Variants in ALG12 observed in about 807,000 individuals in gnomAD.
ALG12 encodes the protein dol-P-Man:Man(7)GlcNAc(2)-PP-Dol alpha-1,6-mannosyltransferase.
Under a neutral mutation model 46.0 loss-of-function variants are expected in ALG12, and 36 were observed. The ratio of observed to expected loss-of-function variants is 0.78; its 90% confidence interval spans 0.60 to 1.03. ALG12 has a LOEUF of 1.03. Ranked by LOEUF, ALG12 falls within the 50% of genes least tolerant of loss-of-function variation. The pLI is 0.00. For missense variants in ALG12, 599 were observed against 633.5 expected, an observed-to-expected ratio of 0.95 and a Z score of 0.58; for synonymous variants, 326 against 291.6, an observed-to-expected ratio of 1.12 and a Z score of -1.20.
chr22:49,878,460 C>T, the ALG12 span, among the ~76,000 whole-genome samples: 7 of 152,206 alleles, frequency 4.6e-5, no homozygotes, highest in African/African-American at 7.2e-5. Flanking sequence ...CACACATATG[C>T]GAGCAACCAA....
At chr22:49,890,621 G>A in the ALG12 span, among the ~76,000 whole-genome samples, 7 of 152,206 alleles carry the variant, frequency 4.6e-5, no homozygotes, top group Admixed American at 1.3e-4. Flanking sequence ...TGAGAAGAAT[G>A]AGCCAGGAGC....
chr22:49,902,270 T>TGTGCACTGTATGCATAGTGTGCAC lies in ALG12; in HGVS notation c.*1567_*1568insGTGCACACTATGCATACAGTGCAC, dbSNP rs2060514622. 3 of 107,740 alleles carry TGTGCACTGTATGCATAGTGTGCAC rather than the reference T, an allele frequency of 2.8e-5. No homozygotes were observed. Among genetic ancestry groups the TGTGCACTGTATGCATAGTGTGCAC allele is most frequent in the South Asian group, 3.3e-4 (1 of 3,008 alleles). 6.7% of individuals were successfully genotyped at this position (107,740 alleles called of 1,614,324 possible). On this transcript the variant is annotated 3_prime_UTR_variant, in exon 10 of 10. Coordinates refer to ENST00000330817, the MANE Select transcript of ALG12 (RefSeq NM_024105.4). ...GCACTGTGTATGCATGGTGTGTGCATGTGTGCACTGTATGCATAGTGTGCA... is the reference window on the plus strand; with the variant it reads ...GCACTGTGTATGCATGGTGTGTGCATGTGCACTGTATGCATAGTGTGCACGTGTGCACTGTATGCATAGTGTGCA...
downstream of ALG12, among the ~76,000 whole-genome samples, chr22:49,897,071 A>G (rs762815420): frequency 1.3e-5 from 2 of 152,122 alleles, no homozygotes; most frequent in Non-Finnish European, 2.9e-5. Context: ...CTTTTCTAAA[A>G]TATCAAATAG....
chr22:49,895,027 G>A, the ALG12 span, among the ~76,000 whole-genome samples: 17 of 152,238 alleles, frequency 1.1e-4, no homozygotes, highest in Non-Finnish European at 2.5e-4. Context: ...GAGCATTGCC[G>A]CTGGGGGCAG....
chr22:49,885,153 G>A, the ALG12 span: 1 of 1,613,620 alleles, frequency 6.2e-7, no homozygotes, highest in South Asian at 1.1e-5. Flanking sequence ...CCAGCTGCCT[G>A]ATGAGACATC....
the ALG12 span, among the ~76,000 whole-genome samples, chr22:49,879,291 A>G: frequency 6.7e-6 from 1 of 149,910 alleles, no homozygotes; most frequent in Non-Finnish European, 1.5e-5. Context: ...CGCCGCGCTA[A>G]TTTTTTTGTA....
the ALG12 span, chr22:49,885,805 A>T: frequency 6.9e-6 from 11 of 1,597,192 alleles, no homozygotes; most frequent in Non-Finnish European, 9.4e-6. Context: ...TGTGAAGCAG[A>T]TAATTATGTC....
In ALG12 at chr22:49,905,456, TG is replaced by T. The variant is rs959816656; in HGVS notation, c.993-951del. On this transcript the variant is annotated intron_variant, in intron 7 of 9. Coordinates refer to ENST00000330817, the MANE Select transcript of ALG12 (RefSeq NM_024105.4). The surrounding 1 kb of genome is among the most constrained non-coding windows in gnomAD (Gnocchi z 4.9). ...GAGGTGGGGCCTGGTGGGAGGTGAC[TG>T]GGTCATGGAGGTGGAGCCCTCAGGA... Among the ~76,000 whole-genome samples the T allele has an allele frequency of 5.9e-5, 9 of 152,120 alleles. No homozygotes were observed. Among genetic ancestry groups the T allele is most frequent in the African/African-American group, 2.2e-4 (9 of 41,424 alleles).
intron 1 of ALG12, among the ~76,000 whole-genome samples, chr22:49,914,225 G>A (rs539734345): frequency 2.0e-5 from 3 of 152,338 alleles, no homozygotes; most frequent in East Asian, 3.9e-4. Context: ...TGAAGAAGAC[G>A]GAATGGGAGG....
At chr22:49,861,399 C>G in the ALG12 span, among the ~76,000 whole-genome samples, 11 of 152,156 alleles carry the variant, frequency 7.2e-5, no homozygotes, top group African/African-American at 2.7e-4. Context: ...GCCTCAGTCT[C>G]TCAAAGTGGT....
At chr22:49,898,839 A>G (rs987579291), downstream of ALG12, among the ~76,000 whole-genome samples, 1 of 151,746 alleles carries the variant, frequency 6.6e-6, no homozygotes, top group Non-Finnish European at 1.5e-5. Flanking sequence ...TGCAGCCTCA[A>G]CCTCCTGGGC....
At chr22:49,884,808 G>A in the ALG12 span, 1 of 1,610,276 alleles carries the variant, frequency 6.2e-7, no homozygotes, top group Non-Finnish European at 8.5e-7. Context: ...CGGTCAGAGA[G>A]TCCCCTTCGG....
chr22:49,861,181 A>C, the ALG12 span, among the ~76,000 whole-genome samples: 3 of 152,074 alleles, frequency 2.0e-5, no homozygotes, highest in South Asian at 6.2e-4. Context: ...GGCTGTTGAC[A>C]CTGTGTGTGT....
At chr22:49,879,935 CT>C in the ALG12 span, among the ~76,000 whole-genome samples, 1 of 135,094 alleles carries the variant, frequency 7.4e-6, no homozygotes, top group African/African-American at 2.7e-5. Flanking sequence ...GTGTCTGGGC[CT>C]GTTTCTATTG....
intron 4 of ALG12, 49 bp downstream of exon 4, chr22:49,910,385 G>A (rs1342191424): frequency 1.3e-6 from 2 of 1,595,852 alleles, no homozygotes; most frequent in Admixed American, 3.5e-5. Flanking sequence ...ACTCAGGGGA[G>A]CCCCTGCCCG....
chr22:49,915,418 A>G (rs2060603996), intron 1 of ALG12, among the ~76,000 whole-genome samples: 1 of 152,036 alleles, frequency 6.6e-6, no homozygotes, highest in East Asian at 1.9e-4. Flanking sequence ...TTAGCTGGGC[A>G]TGGTAGTGCA....
At chr22:49,886,551 C>T in the ALG12 span, 1 of 1,563,340 alleles carries the variant, frequency 6.4e-7, no homozygotes, top group Non-Finnish European at 8.7e-7. This position sits in a 1 kb window ranked among gnomAD's most constrained non-coding sequence, Gnocchi z 7.7. Flanking sequence ...TGGTACACAT[C>T]CTCAACAGGA....
chr22:49,913,256 C>T, intron 3 of ALG12, 129 bp downstream of exon 3: 2 of 1,453,428 alleles, frequency 1.4e-6, no homozygotes, highest in Non-Finnish European at 1.9e-6. Flanking sequence ...AGCCGCCATG[C>T]CACGGTGATC....
the ALG12 span, among the ~76,000 whole-genome samples, chr22:49,876,195 A>G: frequency 6.6e-6 from 1 of 152,214 alleles, no homozygotes; most frequent in Non-Finnish European, 1.5e-5. Flanking sequence ...TTTATTGTCC[A>G]GAGAAGAGTC....
Sources: allele counts gnomAD v4.1 joint callset (sites outside exome capture counted in the v4.1 genomes callset), GRCh38; gene constraint gnomAD v4.1.1; non-coding constraint Gnocchi (gnomAD v3.1); transcripts MANE v1.5; gene names NCBI Gene and HGNC (gene_info 2026-07-23, HGNC 2026-07-21).